Variants in NLRC3 observed in about 807,000 individuals in gnomAD.
NLRC3 encodes the protein NLR family CARD domain containing 3, also known as NLR family CARD domain-containing protein 3.
A neutral mutation model predicts 91.6 loss-of-function variants in NLRC3; 87 were observed. The observed-to-expected ratio is 0.95, with a 90% CI of 0.80 to 1.14. NLRC3 has a LOEUF of 1.14. NLRC3 is among the 50% of genes most tolerant of loss of function. NLRC3 has a pLI of 0.00. For missense variants in NLRC3, 1,577 were observed against 1,418.6 expected (o/e 1.11, Z -1.79); for synonymous variants, 694 against 625.3 (o/e 1.11, Z -1.64).
At chr16:3,558,649 G>A (rs897827956) in intron 6 of NLRC3, among the ~76,000 whole-genome samples, 1 of 152,042 alleles carries the variant, frequency 6.6e-6, no homozygotes, top group Non-Finnish European at 1.5e-5. Flanking sequence ...GAATATGGTG[G>A]TGGATCAACT....
chr16:3,541,763 G>T lies in NLRC3; in HGVS notation c.*62C>A, dbSNP rs777791287. ...TCCCAGACAGGCCCCCCAGAAGTCG[G>T]CCTTTCTGTTCAAAAGCTTCCAGCT... On this transcript the variant is annotated 3_prime_UTR_variant, in exon 20 of 20. Transcript: ENST00000359128. 1.9e-4 allele frequency: 214 copies of T among 1,153,204 alleles called. No individual in the cohort carries two copies. The highest frequency in any genetic ancestry group is 2.5e-4 in the Non-Finnish European group (194 of 778,544). 71.4% of individuals were successfully genotyped at this position (1,153,204 alleles called of 1,614,324 possible).
chr16:3,563,073 G>T lies in NLRC3; in HGVS notation c.1864C>A (p.Leu622Met), dbSNP rs867541889. The T allele has an allele frequency of 1.3e-6, 2 of 1,566,940 alleles. No homozygotes were observed. The highest frequency in any genetic ancestry group is 4.7e-5 in the East Asian group (2 of 42,344). The change falls in exon 5 of 20, where the codon CTG (leucine) becomes ATG (methionine). Residue 622 changes from leucine (L) to methionine (M), a missense_variant. Physicochemically the swap from Leu to Met is conservative, Grantham distance 15. Transcript: ENST00000359128. ...TGAAGGACGCCCTGGCTGAGGCTCA[G>T]GGACAGGTTGGCCTCCTGGGCACAG... ...DACAQEANLSLSLSQGVLQSL... is the reference protein window; with the variant it reads ...DACAQEANLSMSLSQGVLQSL...
At chr16:3,571,627 ATATT>A (rs1363555047) in intron 1 of NLRC3, among the ~76,000 whole-genome samples, 3 of 151,572 alleles carry the variant, frequency 2.0e-5, no homozygotes, top group Non-Finnish European at 4.4e-5. Context: ...AAATAATTAA[ATATT>A]TAGTTTGATA....
intron 6 of NLRC3, among the ~76,000 whole-genome samples, chr16:3,559,631 C>CTTTTTT (rs1261738397): frequency 1.4e-5 from 2 of 141,974 alleles, no homozygotes; most frequent in Non-Finnish European, 1.5e-5. Flanking sequence ...TTTTACTTTT[C>CTTTTTT]TTTTTTTTTT....
intron 15 of NLRC3, among the ~76,000 whole-genome samples, chr16:3,546,361 A>G (rs2038688165): frequency 6.6e-6 from 1 of 151,838 alleles, no homozygotes; most frequent in South Asian, 2.1e-4. Flanking sequence ...GTTCGAGACC[A>G]GCCTGACCAA....
At position 3,561,255 on chromosome 16, in the gene NLRC3, G is replaced by C. The variant is rs115628362; in HGVS notation, c.2015+447C>G. On this transcript the variant is annotated intron_variant, in intron 6 of 19. Coordinates refer to ENST00000359128, the MANE Select transcript of NLRC3 (RefSeq NM_178844.4). ...CCAGCTACTCAGGAGGCTGGGGTTA[G>C]AGAACTGCTTGAGCCTGGGAGGCAG... Among the ~76,000 whole-genome samples the C allele has an allele frequency of 2.3e-3, 347 of 152,146 alleles. 2 individuals carry two copies. The highest frequency in any genetic ancestry group is 7.8e-3 in the African/African-American group (326 of 41,544).
Position 3,564,610 on chromosome 16 carries a change from C to T in NLRC3, c.327G>A (p.Val109=). ...LQLREHDFTQ[V]EATRGGGHPA... ...GGTGCCCGCCCCCGCGGGTGGCCTC[C>T]ACCTGTGTGAAGTCGTGTTCCCTCA... The change falls in exon 5 of 20, where the codon GTG becomes GTA. Residue 109 remains valine, a synonymous_variant. Transcript: ENST00000359128. This position sits in a 1 kb window ranked among gnomAD's most constrained non-coding sequence, Gnocchi z 5.9. The T allele has an allele frequency of 6.2e-7, 1 of 1,610,582 alleles. No homozygotes were observed. The highest frequency in any genetic ancestry group is 8.5e-7 in the Non-Finnish European group (1 of 1,179,742).
rs1211063592 is a variant in NLRC3, at chr16:3,539,089, T to G, written c.*2736A>C. 6.6e-6 allele frequency: 1 copy of G among 152,260 alleles called. No individual in the cohort carries two copies. The highest frequency in any genetic ancestry group is 2.4e-5 in the African/African-American group (1 of 41,476). The allele number at this position is 152,260 out of a possible 1,614,324, so 9.4% of individuals were successfully genotyped here. A position where few individuals can be genotyped will look rare whatever the true frequency, so the allele number is the denominator to read the frequency against. ...GTTATCAAGAACAAAGTCCTCGGACTTCTGATGGGAAATCTGAACTGCTGT... is the reference window on the plus strand; with the variant it reads ...GTTATCAAGAACAAAGTCCTCGGACGTCTGATGGGAAATCTGAACTGCTGT... On this transcript the variant is annotated 3_prime_UTR_variant, in exon 20 of 20. Coordinates refer to ENST00000359128, the MANE Select transcript of NLRC3 (RefSeq NM_178844.4).
In NLRC3 at chr16:3,541,688, T is replaced by A; in HGVS notation, c.*137A>T. 1.6e-6 allele frequency: 1 copy of A among 644,088 alleles called. No individual in the cohort carries two copies. Among genetic ancestry groups the A allele is most frequent in the Non-Finnish European group, 2.8e-6 (1 of 362,008 alleles). The allele number at this position is 644,088 out of a possible 1,614,324, so 39.9% of individuals were successfully genotyped here. On this transcript the variant is annotated 3_prime_UTR_variant, in exon 20 of 20. Transcript: ENST00000359128. ...CGACCTCCTCCGGCAGCACCTCTCCTTCCTCCCTGCAGAGCCCGGCTCTCG... is the reference window on the plus strand; with the variant it reads ...CGACCTCCTCCGGCAGCACCTCTCCATCCTCCCTGCAGAGCCCGGCTCTCG...
intron 1 of NLRC3, among the ~76,000 whole-genome samples, chr16:3,574,395 G>T (rs2151109775): frequency 6.6e-6 from 1 of 152,228 alleles, no homozygotes. Flanking sequence ...CTCCTCCGGT[G>T]GTTCTAACCA....
chr16:3,548,260 T>TATGTGGCC (rs1491497355), intron 14 of NLRC3, 42 bp from the exon 15 acceptor site: 10 of 1,489,494 alleles, frequency 6.7e-6, no homozygotes, highest in Non-Finnish European at 5.5e-6. Context: ...ACTATGTGAC[T>TATGTGGCC]ATGTGGCCCT....
Position 3,543,497 on chromosome 16 carries a change from G to C in NLRC3, c.2867C>G (p.Ala956Gly), listed in dbSNP as rs1415016861. Residue 956 changes from alanine to glycine, a missense_variant, in exon 17 of 20, where the codon GCC becomes GGC. Coordinates refer to ENST00000359128, the MANE Select transcript of NLRC3 (RefSeq NM_178844.4). ...CTGGGCGCCTGAAGCACCAATTGAG[G>C]CCACCTGGAGACTGGGGCGGAGAGG... ...TALTALYLQV[A>G]SIGASGAQVL... 1.2e-6 allele frequency: 2 copies of C among 1,612,460 alleles called. No individual in the cohort carries two copies. Among genetic ancestry groups the C allele is most frequent in the African/African-American group, 2.7e-5 (2 of 74,920 alleles).
intron 1 of NLRC3, among the ~76,000 whole-genome samples, chr16:3,570,179 G>C (rs2040048732): frequency 6.8e-6 from 1 of 146,320 alleles, no homozygotes; most frequent in Non-Finnish European, 1.5e-5. Context: ...TTTTTTTTTT[G>C]AGACAGAGTC....
chr16:3,564,284 A>C lies in NLRC3; in HGVS notation c.653T>G (p.Leu218Arg). 6.2e-7 allele frequency: 1 copy of C among 1,612,084 alleles called. No homozygotes were observed. The highest frequency in any genetic ancestry group is 8.5e-7 in the Non-Finnish European group (1 of 1,179,650). The change falls in exon 5 of 20, where the codon CTG becomes CGG. Residue 218 changes from leucine (L) to arginine (R), a missense_variant. Physicochemically the swap from Leu to Arg is moderately radical, Grantham distance 102. Transcript: ENST00000359128. This position sits in a 1 kb window ranked among gnomAD's most constrained non-coding sequence, Gnocchi z 5.9. ...VAVPARALLILDGLDECRTPL... is the reference protein window; with the variant it reads ...VAVPARALLIRDGLDECRTPL... ...CGTCCTGCACTCATCCAAGCCGTCC[A>C]GGATCAGGAGGGCCCTGGCTGGGAC... is the stretch of plus-strand genomic sequence containing the variant.
At chr16:3,557,302 G>A (rs973188097) in intron 7 of NLRC3, among the ~76,000 whole-genome samples, 6 of 152,206 alleles carry the variant, frequency 3.9e-5, no homozygotes, top group African/African-American at 9.7e-5. Flanking sequence ...GCTGTAGCCC[G>A]GCAACTGAGG....
rs916142424 is a variant in NLRC3 at position 3,541,130 on chromosome 16, G to T, written c.*695C>A. The T allele has an allele frequency of 6.6e-6, 1 of 150,912 alleles. No homozygotes were observed. Among genetic ancestry groups the T allele is most frequent in the Non-Finnish European group, 1.5e-5 (1 of 67,666 alleles). 9.3% of individuals were successfully genotyped at this position (150,912 alleles called of 1,614,324 possible). The stretch of plus-strand genomic sequence containing the variant: ...TGAGGCAGGAGAATCACATGAACCC[G>T]GGAGGCGGAGGTTGCAGGGAGCTGA... On this transcript the variant is annotated 3_prime_UTR_variant, in exon 20 of 20. Coordinates refer to ENST00000359128, the MANE Select transcript of NLRC3 (RefSeq NM_178844.4).
intron 9 of NLRC3, among the ~76,000 whole-genome samples, chr16:3,553,156 A>ACTC (rs897863776): frequency 3.9e-5 from 6 of 151,946 alleles, no homozygotes; most frequent in Non-Finnish European, 7.4e-5. Flanking sequence ...AAGGAAAGAG[A>ACTC]CTCCTTACCA....
chr16:3,565,996 C>T (rs932746143), intron 2 of NLRC3, among the ~76,000 whole-genome samples: 6 of 150,910 alleles, frequency 4.0e-5, no homozygotes, highest in African/African-American at 9.8e-5. Flanking sequence ...GCCATGATCA[C>T]ACCACGGCAC....
rs1171204870 is a variant in NLRC3, at chr16:3,557,002, AAGAG to A, written c.2100-12_2100-9del. On this transcript the variant is annotated splice_polypyrimidine_tract_variant and intron_variant, in intron 7 of 19. Coordinates refer to ENST00000359128, the MANE Select transcript of NLRC3 (RefSeq NM_178844.4). ...ATGGAGTTACCGCGGAGGCTGAAGG[AAGAG>A]AGAAAGAGACACCTCCTTCATCTGT... 3 of 1,591,944 alleles carry A rather than the reference AAGAG, an allele frequency of 1.9e-6. No individual in the cohort carries two copies. The highest frequency in any genetic ancestry group is 2.2e-5 in the South Asian group (2 of 90,526).
Sources: gnomAD v4.1 joint callset for allele counts (sites outside exome capture counted in the v4.1 genomes callset) on GRCh38, gnomAD v4.1.1 for gene constraint, Gnocchi (gnomAD v3.1) non-coding constraint, MANE v1.5 for transcripts, NCBI Gene and HGNC (gene_info 2026-07-23, HGNC 2026-07-21) for gene names.